The following PDGFD variants were observed in gnomAD, a reference collection of about 807,000 sequenced individuals.
The protein encoded by PDGFD is platelet-derived growth factor D.
A neutral mutation model predicts 44.7 loss-of-function variants in PDGFD; 30 were observed. That is an observed-to-expected ratio of 0.67 (90% CI 0.50 to 0.91). The LOEUF is 0.91. PDGFD is among the 40% of genes least tolerant of loss of function. The probability of loss-of-function intolerance (pLI) is 0.00; values close to 1 mark genes in which losing one functional copy is unlikely to be tolerated. For missense variants in PDGFD, 445 were observed against 457.8 expected (o/e 0.97, Z 0.25); for synonymous variants, 173 against 168.4 (o/e 1.03, Z -0.21).
At chr11:103,994,820 C>T (rs1281617089) in intron 3 of PDGFD, among the ~76,000 whole-genome samples, 2 of 151,136 alleles carry the variant, frequency 1.3e-5, no homozygotes, top group Non-Finnish European at 2.9e-5. Context: ...TCTCTGTGGG[C>T]CTAACGTACA....
intron 1 of PDGFD, among the ~76,000 whole-genome samples, chr11:104,049,173 A>G (rs750456843): frequency 6.6e-6 from 1 of 152,212 alleles, no homozygotes; most frequent in Non-Finnish European, 1.5e-5. Flanking sequence ...ATAAGGATAA[A>G]GCACTGTTCA....
chr11:104,124,830 T>G (rs2134466395), intron 1 of PDGFD, among the ~76,000 whole-genome samples: 1 of 152,162 alleles, frequency 6.6e-6, no homozygotes, highest in Non-Finnish European at 1.5e-5. Context: ...ATAAAGAAAT[T>G]TAAAGAGTCC....
intron 1 of PDGFD, among the ~76,000 whole-genome samples, chr11:104,152,460 T>C (rs902702486): frequency 6.6e-6 from 1 of 152,166 alleles, no homozygotes; most frequent in Non-Finnish European, 1.5e-5. Flanking sequence ...GATGCATTAA[T>C]TTTTTGTTAG....
intron 1 of PDGFD, among the ~76,000 whole-genome samples, chr11:104,017,527 C>G (rs571300994): frequency 1.3e-5 from 2 of 152,128 alleles, no homozygotes; most frequent in African/African-American, 4.8e-5. Flanking sequence ...CACTGTTCTG[C>G]CCGATCCAAC....
intron 5 of PDGFD, among the ~76,000 whole-genome samples, chr11:103,942,058 C>T (rs1384428950): frequency 6.6e-6 from 1 of 152,060 alleles, no homozygotes; most frequent in South Asian, 2.1e-4. Flanking sequence ...TCTTGTCCCC[C>T]TCTTAGCTAA....
Position 104,027,165 on chromosome 11 carries a change from A to C in PDGFD, c.125-26910T>G, listed in dbSNP as rs76660800. 8.5e-5 allele frequency among the ~76,000 whole-genome samples: 13 copies of C among 152,362 alleles called. No homozygotes were observed. The East Asian group carries it at 2.5e-3, about 29-fold the overall frequency. ...TCATATGCAATGAAAGGATGTATTT[A>C]TTCAACCTTTGAAAGTTACTCCCTG... is the stretch of plus-strand genomic sequence containing the variant. On this transcript the variant is annotated intron_variant, in intron 1 of 6. Transcript: ENST00000393158.
chr11:104,096,484 T>C (rs1044370798), intron 1 of PDGFD, among the ~76,000 whole-genome samples: 1 of 152,196 alleles, frequency 6.6e-6, no homozygotes, highest in African/African-American at 2.4e-5. Flanking sequence ...TTAGAATTAT[T>C]AGTAATCCCC....
chr11:104,069,777 G>A (rs997108038), intron 1 of PDGFD, among the ~76,000 whole-genome samples: 5 of 152,176 alleles, frequency 3.3e-5, no homozygotes, highest in African/African-American at 1.2e-4. Flanking sequence ...GGAGAATGGC[G>A]TGAACCCGGG....
At chr11:103,984,825 A>G (rs1270730812) in intron 3 of PDGFD, among the ~76,000 whole-genome samples, 1 of 143,164 alleles carries the variant, frequency 7.0e-6, no homozygotes, top group African/African-American at 2.6e-5. Flanking sequence ...TTTATTTAAT[A>G]TATAATATAT....
At position 103,986,114 on chromosome 11, in the gene PDGFD, T is replaced by C. The variant is rs115101918; in HGVS notation, c.510+9951A>G. ...AATCTTGAGTGGAGGTTAGCCTTAA[T>C]CTGTCACATTTCCACTGATAAAGGG... is the stretch of plus-strand genomic sequence containing the variant. On this transcript the variant is annotated intron_variant, in intron 3 of 6. Transcript: ENST00000393158. Among the ~76,000 whole-genome samples, 505 of 152,310 alleles carry C rather than the reference T, an allele frequency of 3.3e-3. 6 individuals are homozygous for C. The highest frequency in any genetic ancestry group is 0.012 in the African/African-American group (489 of 41,572).
chr11:103,945,295 T>A (rs1038177408), intron 4 of PDGFD, among the ~76,000 whole-genome samples: 2 of 152,192 alleles, frequency 1.3e-5, no homozygotes, highest in Non-Finnish European at 2.9e-5. Context: ...TGGGTGTCTG[T>A]GTCTGTGTGT....
intron 2 of PDGFD, among the ~76,000 whole-genome samples, chr11:103,999,835 A>G (rs1345427392): frequency 6.6e-6 from 1 of 152,082 alleles, no homozygotes; most frequent in African/African-American, 2.4e-5. Context: ...CAGTTGCACA[A>G]GTGAGTTTCT....
At chr11:103,985,166 A>AAT (rs1192323306) in intron 3 of PDGFD, among the ~76,000 whole-genome samples, 2 of 131,914 alleles carry the variant, frequency 1.5e-5, no homozygotes, top group Admixed American at 7.7e-5. Flanking sequence ...TTTAATATAT[A>AAT]ATATATTAAT....
At chr11:103,913,870 C>A (rs1858070320) in intron 6 of PDGFD, among the ~76,000 whole-genome samples, 1 of 152,160 alleles carries the variant, frequency 6.6e-6, no homozygotes, top group African/African-American at 2.4e-5. Flanking sequence ...ATTATAAACA[C>A]CTCTATGCAA....
chr11:103,929,554 C>T (rs1189609780), intron 5 of PDGFD, among the ~76,000 whole-genome samples: 1 of 152,208 alleles, frequency 6.6e-6, no homozygotes, highest in Non-Finnish European at 1.5e-5. Context: ...TCATTTCTTA[C>T]TCACCATGAG....
intron 1 of PDGFD, among the ~76,000 whole-genome samples, chr11:104,140,188 T>C (rs960241425): frequency 2.0e-5 from 3 of 152,196 alleles, no homozygotes; most frequent in Non-Finnish European, 2.9e-5. Context: ...ATTAAACCAT[T>C]TGAATATCAG....
chr11:104,099,673 AAT>A (rs1276736316), intron 1 of PDGFD, among the ~76,000 whole-genome samples: 20 of 143,624 alleles, frequency 1.4e-4, no homozygotes, highest in Non-Finnish European at 2.6e-4. Flanking sequence ...TAATAATAAT[AAT>A]AAATCAAACC....
chr11:103,936,108 T>C (rs1858484220), intron 5 of PDGFD, among the ~76,000 whole-genome samples: 1 of 152,190 alleles, frequency 6.6e-6, no homozygotes, highest in South Asian at 2.1e-4. Flanking sequence ...CTAACCATCT[T>C]TCAATAATAG....
At chr11:103,991,748 TCAGA>T (rs1859456293) in intron 3 of PDGFD, among the ~76,000 whole-genome samples, 1 of 152,226 alleles carries the variant, frequency 6.6e-6, no homozygotes, top group Non-Finnish European at 1.5e-5. Context: ...AATAATAGCC[TCAGA>T]CAGTTGAGTA....
Sources: allele counts gnomAD v4.1 joint callset (sites outside exome capture counted in the v4.1 genomes callset), GRCh38; gene constraint gnomAD v4.1.1; transcripts MANE v1.5; gene names NCBI Gene and HGNC (gene_info 2026-07-23, HGNC 2026-07-21).